ITCH: variants seen among roughly 807,000 people sequenced by gnomAD.
The protein encoded by ITCH is itchy E3 ubiquitin protein ligase.
ITCH carries 28 observed loss-of-function variants against 126.8 expected under a neutral mutation model. The observed-to-expected ratio is 0.22, with a 90% CI of 0.16 to 0.30. The LOEUF is 0.30. ITCH is among the 10% of genes least tolerant of loss of function. ITCH has a pLI of 1.00. For synonymous variants in ITCH, 342 were observed against 340.0 expected (o/e 1.01, Z -0.06); for missense variants, 631 against 1,032.4 (o/e 0.61, Z 5.33).
At chr20:34,457,247 C>T (rs1333690577) in intron 12 of ITCH, 143 bp from the exon 13 acceptor site, 2 of 671,246 alleles carry the variant, frequency 3.0e-6, no homozygotes, top group South Asian at 1.7e-5. Flanking sequence ...ATAAATTAAA[C>T]CTTTTAAAGC....
At chr20:34,482,898 G>A (rs1004228108) in intron 20 of ITCH, among the ~76,000 whole-genome samples, 6 of 152,088 alleles carry the variant, frequency 3.9e-5, no homozygotes, top group Admixed American at 6.5e-5. Context: ...ATTTCCATAC[G>A]TCTTCTGAAA....
At chr20:34,486,451 G>A (rs930166000) in intron 20 of ITCH, among the ~76,000 whole-genome samples, 3 of 149,816 alleles carry the variant, frequency 2.0e-5, no homozygotes, top group East Asian at 2.0e-4. Context: ...TCAGCCTCCC[G>A]AGCAGCTGGG....
intron 1 of ITCH, among the ~76,000 whole-genome samples, chr20:34,367,217 A>C (rs1032847986): frequency 6.6e-6 from 1 of 152,118 alleles, no homozygotes; most frequent in African/African-American, 2.4e-5. Context: ...TTGCTCGGCC[A>C]TGCAGGCTGG....
chr20:34,507,142 T>TG (rs1375227599), intron 24 of ITCH, among the ~76,000 whole-genome samples: 1 of 152,174 alleles, frequency 6.6e-6, no homozygotes, highest in Non-Finnish European at 1.5e-5. Context: ...TTTAATTTTT[T>TG]GGGGGAATCT....
At chr20:34,416,780 A>G (rs1159760270) in intron 6 of ITCH, among the ~76,000 whole-genome samples, 2 of 152,076 alleles carry the variant, frequency 1.3e-5, no homozygotes, top group South Asian at 2.1e-4. Flanking sequence ...AACTAGTTTA[A>G]TATCTCGCTA....
chr20:34,481,013 A>T, intron 19 of ITCH, 53 bp from the exon 20 acceptor site: 1 of 1,578,784 alleles, frequency 6.3e-7, no homozygotes, highest in Non-Finnish European at 8.7e-7. Context: ...AAAACTTATA[A>T]ATTATGATTG....
At chr20:34,412,417 A>G in intron 4 of ITCH, 98 bp from the exon 5 acceptor site, 1 of 909,338 alleles carries the variant, frequency 1.1e-6, no homozygotes, top group Non-Finnish European at 1.7e-6. Context: ...GGGTGCAGTG[A>G]GAAGACTTTA....
chr20:34,461,291 C>T lies in ITCH; in HGVS notation c.1296-802C>T, dbSNP rs117589235. On this transcript the variant is annotated intron_variant, in intron 13 of 24. Coordinates refer to ENST00000374864, the MANE Select transcript of ITCH (RefSeq NM_031483.7). The stretch of plus-strand genomic sequence containing the variant: ...TGGTAATGGTGGAACAGTGATAGTA[C>T]TTTACAGAGATAACTAATTTAAATA... 7.9e-3 allele frequency among the ~76,000 whole-genome samples: 1,208 copies of T among 152,246 alleles called. 7 individuals are homozygous for T. Among genetic ancestry groups the T allele is most frequent in the South Asian group, 0.017 (80 of 4,818 alleles).
intron 6 of ITCH, among the ~76,000 whole-genome samples, chr20:34,418,034 T>C (rs1980189302): frequency 6.6e-6 from 1 of 151,436 alleles, no homozygotes; most frequent in Admixed American, 6.6e-5. Context: ...TGGTGTCATC[T>C]TGGCTCACTG....
Position 34,477,792 on chromosome 20 carries a change from A to G in ITCH, c.1590A>G (p.Gln530=), listed in dbSNP as rs373876115. Residue 530 remains glutamine (Q), a synonymous_variant, in exon 17 of 25, where the codon CAA becomes CAG. Coordinates refer to ENST00000374864, the MANE Select transcript of ITCH (RefSeq NM_031483.7). ...TTTAGATAATGAGCTTCAGTCCCCAAGATCTGCGAAGACGTTTGTGGGTGA... is the reference window on the plus strand; with the variant it reads ...TTTAGATAATGAGCTTCAGTCCCCAGGATCTGCGAAGACGTTTGTGGGTGA... ...SFQQIMSFSP[Q]DLRRRLWVIF... is the part of the protein sequence containing the mutation. The G allele has an allele frequency of 1.1e-5, 17 of 1,613,702 alleles. No individual in the cohort carries two copies. Among genetic ancestry groups the G allele is most frequent in the African/African-American group, 2.7e-5 (2 of 74,894 alleles).
intron 11 of ITCH, among the ~76,000 whole-genome samples, chr20:34,446,813 G>A (rs1409949484): frequency 6.6e-6 from 1 of 152,112 alleles, no homozygotes; most frequent in Non-Finnish European, 1.5e-5. Context: ...ATCTGGGTTC[G>A]AATCCTGGTT....
chr20:34,440,546 C>G (rs1300177088), intron 9 of ITCH, among the ~76,000 whole-genome samples: 1 of 151,962 alleles, frequency 6.6e-6, no homozygotes, highest in East Asian at 1.9e-4. Flanking sequence ...GACCTCCGCC[C>G]CCTGGGTTCA....
chr20:34,450,029 A>T (rs979294988), intron 12 of ITCH, among the ~76,000 whole-genome samples: 5 of 152,170 alleles, frequency 3.3e-5, no homozygotes, highest in Non-Finnish European at 7.4e-5. Flanking sequence ...ATGATTCTGT[A>T]TCTTGATTTT....
intron 3 of ITCH, chr20:34,401,606 C>T (rs979394864): frequency 2.0e-6 from 2 of 977,316 alleles, no homozygotes; most frequent in Admixed American, 6.2e-5. Context: ...TATACTCCTT[C>T]CTAAAAGCCC....
intron 2 of ITCH, among the ~76,000 whole-genome samples, chr20:34,388,676 C>T (rs1381149644): frequency 3.9e-5 from 6 of 152,206 alleles, no homozygotes; most frequent in Non-Finnish European, 8.8e-5. Flanking sequence ...GAATTTAGGA[C>T]ATCTTTCTTA....
intron 9 of ITCH, among the ~76,000 whole-genome samples, chr20:34,440,652 C>T (rs963257193): frequency 1.3e-5 from 2 of 151,894 alleles, no homozygotes; most frequent in Non-Finnish European, 2.9e-5. Flanking sequence ...GGGATTTCAC[C>T]ATGTTGGCCA....
At chr20:34,390,600 C>T (rs530656224) in intron 2 of ITCH, among the ~76,000 whole-genome samples, 32 of 151,820 alleles carry the variant, frequency 2.1e-4, no homozygotes, top group African/African-American at 6.3e-4. Flanking sequence ...CAAGCGTGTA[C>T]CACCATACCT....
chr20:34,449,609 T>G, intron 12 of ITCH, 129 bp downstream of exon 12: 1 of 679,634 alleles, frequency 1.5e-6, no homozygotes. Context: ...GGGAAGTTTT[T>G]TTTTAATATA....
At chr20:34,488,547 T>C (rs952543835) in intron 20 of ITCH, among the ~76,000 whole-genome samples, 5 of 152,022 alleles carry the variant, frequency 3.3e-5, no homozygotes, top group African/African-American at 1.2e-4. Flanking sequence ...CCCCCGTCTC[T>C]ACTAAAAACA....
Sources: allele counts gnomAD v4.1 joint callset (sites outside exome capture counted in the v4.1 genomes callset), GRCh38; gene constraint gnomAD v4.1.1; transcripts MANE v1.5; gene names NCBI Gene and HGNC (gene_info 2026-07-23, HGNC 2026-07-21).